Variants in ZFYVE28 observed in about 807,000 individuals in gnomAD.
ZFYVE28 encodes lateral signaling target protein 2 homolog.
Under a neutral mutation model 82.1 loss-of-function variants are expected in ZFYVE28, and 40 were observed. The ratio of observed to expected loss-of-function variants is 0.49; its 90% confidence interval spans 0.38 to 0.63. ZFYVE28 has a LOEUF of 0.63. Among genes scored for constraint, ZFYVE28 ranks in the 30% least tolerant of loss-of-function variants. The pLI, the probability that ZFYVE28 is intolerant of heterozygous loss-of-function variation, is 0.00. For synonymous variants in ZFYVE28, 612 were observed against 546.1 expected (o/e 1.12, Z -1.68); for missense variants, 1,321 against 1,242.1 (o/e 1.06, Z -0.96).
At chr4:2,399,997 C>T (rs756452589) in intron 1 of ZFYVE28, among the ~76,000 whole-genome samples, 5 of 152,226 alleles carry the variant, frequency 3.3e-5, no homozygotes, top group Non-Finnish European at 7.4e-5. Flanking sequence ...GCCGGCACCA[C>T]GCAGCACGCA....
At chr4:2,308,683 G>GAAAGAAAAAGAAAGAAAAGAAAAGA (rs1717032915) in intron 7 of ZFYVE28, among the ~76,000 whole-genome samples, 2 of 81,442 alleles carry the variant, frequency 2.5e-5, no homozygotes, top group African/African-American at 1.0e-4. Context: ...GAAAGAGAAA[G>GAAAGAAAAAGAAAGAAAAGAAAAGA]AAAGAAAAGA....
chr4:2,401,464 G>A (rs1326699268), intron 1 of ZFYVE28, among the ~76,000 whole-genome samples: 3 of 152,280 alleles, frequency 2.0e-5, no homozygotes, highest in East Asian at 1.9e-4. Context: ...ACACCCTCCC[G>A]GCCGGGCAGC....
chr4:2,290,312 G>C (rs1420495218), intron 8 of ZFYVE28, among the ~76,000 whole-genome samples: 1 of 152,202 alleles, frequency 6.6e-6, no homozygotes, highest in Non-Finnish European at 1.5e-5. Flanking sequence ...GGTCTCCTCA[G>C]CTACAGAACA....
intron 8 of ZFYVE28, among the ~76,000 whole-genome samples, chr4:2,296,090 TC>T (rs1714531289): frequency 6.6e-6 from 1 of 152,084 alleles, no homozygotes; most frequent in Admixed American, 6.5e-5. Context: ...GTAATGACCA[TC>T]CCCTCAGCCA....
At chr4:2,397,465 C>T (rs1425475423) in intron 1 of ZFYVE28, among the ~76,000 whole-genome samples, 7 of 123,430 alleles carry the variant, frequency 5.7e-5, no homozygotes, top group South Asian at 2.9e-4. Context: ...GGGCCAGACT[C>T]GGTCTCAAAA....
rs951401356 is a variant in ZFYVE28, at chr4:2,416,528, G to A, written c.39+1757C>T. Among the ~76,000 whole-genome samples, 1 of 152,224 alleles carries A rather than the reference G, an allele frequency of 6.6e-6. No homozygotes were observed. Among genetic ancestry groups the A allele is most frequent in the Admixed American group, 6.5e-5 (1 of 15,290 alleles). Reference sequence around the variant, plus strand: ...GTTTTACAAGCAGACTTGGTTTTCAGTAACTGGTGAGGAAAAGTCACTGGA... The same window carrying A: ...GTTTTACAAGCAGACTTGGTTTTCAATAACTGGTGAGGAAAAGTCACTGGA... On this transcript the variant is annotated intron_variant, in intron 1 of 12. Coordinates refer to ENST00000290974, the MANE Select transcript of ZFYVE28 (RefSeq NM_020972.3). The surrounding 1 kb of genome is among the most constrained non-coding windows in gnomAD (Gnocchi z 4.6).
At chr4:2,402,802 C>T (rs889244395) in intron 1 of ZFYVE28, among the ~76,000 whole-genome samples, 37 of 152,194 alleles carry the variant, frequency 2.4e-4, no homozygotes, top group Non-Finnish European at 4.7e-4. Context: ...GCTCACTCTG[C>T]TCTCAGTCAG....
chr4:2,326,184 T>C (rs569636831), intron 6 of ZFYVE28, among the ~76,000 whole-genome samples: 11 of 152,334 alleles, frequency 7.2e-5, no homozygotes, highest in Non-Finnish European at 1.5e-4. Context: ...AGTTTTAGAG[T>C]TTCTGGTCTT....
At position 2,273,168 on chromosome 4, in the gene ZFYVE28, C is replaced by T. The variant is rs1373333084; in HGVS notation, c.2323+5G>A. ...CCTCAGAGCCCGTCCTGAGTGGGCA[C>T]TCACCCTTCCTTAACTTTTCCTTGT... is the stretch of plus-strand genomic sequence containing the variant. On this transcript the variant is annotated splice_donor_5th_base_variant and intron_variant, in intron 10 of 12. Coordinates refer to ENST00000290974, the MANE Select transcript of ZFYVE28 (RefSeq NM_020972.3). 6.8e-6 allele frequency: 11 copies of T among 1,611,656 alleles called. No individual in the cohort carries two copies. Among genetic ancestry groups the T allele is most frequent in the Non-Finnish European group, 9.3e-6 (11 of 1,178,422 alleles).
intron 1 of ZFYVE28, among the ~76,000 whole-genome samples, chr4:2,371,034 C>T (rs1272822858): frequency 6.6e-6 from 1 of 152,222 alleles, no homozygotes; most frequent in South Asian, 2.1e-4. Flanking sequence ...GGGCGCAGCC[C>T]GAGTCTGGCT....
Position 2,334,622 on chromosome 4 carries a change from A to AC in ZFYVE28, c.701+1082dup, listed in dbSNP as rs564748222. On this transcript the variant is annotated intron_variant, in intron 6 of 12. Transcript: ENST00000290974. ...TGGACCAGTCGTGGCCTCTGTGCCC[A>AC]CCCCCCACTCCCCGACCACTTCACT... Among the ~76,000 whole-genome samples, 200 of 135,846 alleles carry AC rather than the reference A, an allele frequency of 1.5e-3. 1 individual carries two copies. The Middle Eastern group carries it at 0.023, about 16-fold the overall frequency. The allele number at this position is 135,846 out of a possible 152,430, so 89.1% of individuals were successfully genotyped here.
chr4:2,400,891 C>T (rs892585907), intron 1 of ZFYVE28, among the ~76,000 whole-genome samples: 1 of 152,218 alleles, frequency 6.6e-6, no homozygotes, highest in Non-Finnish European at 1.5e-5. Context: ...CAGACACACC[C>T]AGGATCAATA....
At chr4:2,293,401 CTT>C (rs1714034245) in intron 8 of ZFYVE28, among the ~76,000 whole-genome samples, 1 of 151,406 alleles carries the variant, frequency 6.6e-6, no homozygotes, top group South Asian at 2.1e-4. Flanking sequence ...CTGATGAAAT[CTT>C]TGAAAAAACC....
intron 2 of ZFYVE28, among the ~76,000 whole-genome samples, chr4:2,351,683 C>T (rs924215753): frequency 7.9e-5 from 12 of 152,306 alleles, no homozygotes; most frequent in African/African-American, 2.9e-4. Flanking sequence ...GACTGCACTC[C>T]AGCCTGGGCG....
Position 2,304,389 on chromosome 4 carries a change from C to T in ZFYVE28, c.1951G>A (p.Gly651Arg). 3 of 1,612,880 alleles carry T rather than the reference C, an allele frequency of 1.9e-6. No individual in the cohort carries two copies. The East Asian group carries it at 6.7e-5, about 36-fold the overall frequency. The change falls in exon 8 of 13, where the codon GGA becomes AGA. Residue 651 changes from glycine to arginine, a missense_variant. Transcript: ENST00000290974. ...TGCTGACCTGCAACCCCAGCCTCTC[C>T]TTGCAGCCCACTCGCTGTGTCCACC... ...SQVDTASGLQGEAGVAGQQEP... is the reference protein window; with the variant it reads ...SQVDTASGLQREAGVAGQQEP...
chr4:2,410,454 CTTTTT>C (rs11358765), intron 1 of ZFYVE28, among the ~76,000 whole-genome samples: 2 of 119,340 alleles, frequency 1.7e-5, no homozygotes, highest in Admixed American at 8.7e-5. Flanking sequence ...TCCTCCCTTT[CTTTTT>C]TTTTTTTTTT....
At position 2,339,388 on chromosome 4, in the gene ZFYVE28, CCGGAA is replaced by C; in HGVS notation, c.521+60_521+64del. On this transcript the variant is annotated intron_variant, in intron 4 of 12. Coordinates refer to ENST00000290974, the MANE Select transcript of ZFYVE28 (RefSeq NM_020972.3). This position sits in a 1 kb window ranked among gnomAD's most constrained non-coding sequence, Gnocchi z 5.0. ...CCAGCTTGAAGTATCAGGGTGAGCC[CCGGAA>C]GCTGGCACAACCGTCCCCCAGCTCA... 1 of 1,543,898 alleles carries C rather than the reference CCGGAA, an allele frequency of 6.5e-7. No homozygotes were observed. The highest frequency in any genetic ancestry group is 1.7e-4 in the Middle Eastern group (1 of 5,716).
intron 1 of ZFYVE28, among the ~76,000 whole-genome samples, chr4:2,398,244 G>A (rs974206287): frequency 3.3e-5 from 5 of 152,192 alleles, no homozygotes; most frequent in East Asian, 3.9e-4. Context: ...GCAGGGCACC[G>A]ACACGGGAGG....
At chr4:2,278,839 A>G (rs1056491308) in intron 8 of ZFYVE28, among the ~76,000 whole-genome samples, 1 of 152,156 alleles carries the variant, frequency 6.6e-6, no homozygotes, top group African/African-American at 2.4e-5. Context: ...TAATAAACAC[A>G]TGAACAGATG....
Sources: allele counts gnomAD v4.1 joint callset (sites outside exome capture counted in the v4.1 genomes callset), GRCh38; gene constraint gnomAD v4.1.1; non-coding constraint Gnocchi (gnomAD v3.1); transcripts MANE v1.5; gene names NCBI Gene and HGNC (gene_info 2026-07-23, HGNC 2026-07-21).